Variants in USH2A observed in about 807,000 individuals in gnomAD.
The protein encoded by USH2A is Usher syndrome 2A (autosomal recessive, mild).
USH2A carries 443 observed loss-of-function variants against 538.9 expected under a neutral mutation model. The observed-to-expected ratio is 0.82, with a 90% CI of 0.76 to 0.89. USH2A has a LOEUF of 0.89. USH2A is among the 40% of genes least tolerant of loss of function. USH2A has a pLI of 0.00. For missense variants in USH2A, 6,633 were observed against 6,324.8 expected (o/e 1.05, Z -1.65); for synonymous variants, 2,413 against 2,273.5 (o/e 1.06, Z -1.75).
At chr1:215,732,544 C>CTTTTTTTTTTTTTTTTTTTTTT (rs141549439) in intron 60 of USH2A, among the ~76,000 whole-genome samples, 12 of 73,586 alleles carry the variant, frequency 1.6e-4, no homozygotes, top group African/African-American at 7.3e-4. Flanking sequence ...TTTTTTCTTT[C>CTTTTTTTTTTTTTTTTTTTTTT]TTTTTTTTTT....
chr1:216,377,012 T>C (rs1311891021), intron 3 of USH2A, among the ~76,000 whole-genome samples: 2 of 152,190 alleles, frequency 1.3e-5, no homozygotes, highest in Non-Finnish European at 2.9e-5. Flanking sequence ...TGCTTTTCTG[T>C]AAGTACCTAT....
intron 44 of USH2A, among the ~76,000 whole-genome samples, chr1:215,859,547 G>A (rs1664261586): frequency 6.6e-6 from 1 of 151,950 alleles, no homozygotes; most frequent in Admixed American, 6.6e-5. Context: ...AAAAAATAAA[G>A]TAGTATTCTC....
At chr1:216,236,254 C>T (rs1357500064) in intron 13 of USH2A, among the ~76,000 whole-genome samples, 1 of 151,754 alleles carries the variant, frequency 6.6e-6, no homozygotes, top group Non-Finnish European at 1.5e-5. Context: ...TTGCTGATTC[C>T]TATTTCCTTT....
intron 32 of USH2A, among the ~76,000 whole-genome samples, chr1:216,015,780 A>AT (rs943671208): frequency 6.6e-6 from 1 of 152,096 alleles, no homozygotes; most frequent in South Asian, 2.1e-4. Context: ...GATGATGAGC[A>AT]TTTTTTCATG....
At chr1:215,847,591 G>T (rs1207594345) in intron 44 of USH2A, among the ~76,000 whole-genome samples, 3 of 151,748 alleles carry the variant, frequency 2.0e-5, no homozygotes, top group Admixed American at 2.0e-4. Flanking sequence ...GTTGTGGTGA[G>T]CTGAGATCGT....
chr1:216,333,808 C>G (rs1033625467), intron 4 of USH2A, among the ~76,000 whole-genome samples: 1 of 151,882 alleles, frequency 6.6e-6, no homozygotes, highest in Non-Finnish European at 1.5e-5. Context: ...AGAAGAATGA[C>G]ATATTTAAAG....
chr1:216,224,761 T>G (rs960905807), intron 14 of USH2A, among the ~76,000 whole-genome samples: 1 of 152,126 alleles, frequency 6.6e-6, no homozygotes, highest in African/African-American at 2.4e-5. Context: ...AAATAGAGCA[T>G]GAAGAAGGTA....
chr1:215,813,177 GGCTA>G (rs1486277589), intron 49 of USH2A, among the ~76,000 whole-genome samples: 3 of 152,140 alleles, frequency 2.0e-5, no homozygotes, highest in Non-Finnish European at 4.4e-5. Flanking sequence ...GGAGCAAAAT[GGCTA>G]GCTAAGTTGG....
At position 215,844,505 on chromosome 1, in the gene USH2A, A is replaced by C. The variant is rs1163739787; in HGVS notation, c.9056-9T>G. The C allele has an allele frequency of 6.2e-7, 1 of 1,605,606 alleles. No individual in the cohort carries two copies. Among genetic ancestry groups the C allele is most frequent in the Non-Finnish European group, 8.5e-7 (1 of 1,179,634 alleles). The stretch of plus-strand genomic sequence containing the variant: ...AAGCATGCCCTGAGGCTCTAGAATT[A>C]AAGGAAGAAACTGAATAAACTCCAG... On this transcript the variant is annotated splice_polypyrimidine_tract_variant and intron_variant, in intron 45 of 71. Coordinates refer to ENST00000307340, the MANE Select transcript of USH2A (RefSeq NM_206933.4).
intron 37 of USH2A, among the ~76,000 whole-genome samples, chr1:215,942,106 C>T (rs550038756): frequency 8.5e-5 from 13 of 152,196 alleles, no homozygotes; most frequent in Admixed American, 5.2e-4. Flanking sequence ...AAGGATCTCT[C>T]GCAAGCTCAG....
At chr1:215,984,574 T>C (rs996651737) in intron 35 of USH2A, among the ~76,000 whole-genome samples, 3 of 152,212 alleles carry the variant, frequency 2.0e-5, no homozygotes, top group African/African-American at 7.2e-5. Flanking sequence ...TTGTGCCTCT[T>C]CATCATGTTA....
At chr1:215,962,457 G>A (rs898420717) in intron 37 of USH2A, among the ~76,000 whole-genome samples, 4 of 152,016 alleles carry the variant, frequency 2.6e-5, no homozygotes, top group African/African-American at 7.2e-5. Flanking sequence ...GCTCTAACCC[G>A]TTGAATATTA....
intron 32 of USH2A, among the ~76,000 whole-genome samples, chr1:216,002,907 C>A (rs1474102861): frequency 6.6e-6 from 1 of 152,074 alleles, no homozygotes; most frequent in Non-Finnish European, 1.5e-5. Context: ...TATCACATAT[C>A]GCAGTGTCTG....
intron 64 of USH2A, among the ~76,000 whole-genome samples, chr1:215,657,146 C>T (rs1353952013): frequency 6.6e-6 from 1 of 152,206 alleles, no homozygotes; most frequent in African/African-American, 2.4e-5. Flanking sequence ...TGTTGTTAGT[C>T]ATCACTCATT....
At chr1:215,868,090 C>CCTCA (rs762722236) in intron 43 of USH2A, among the ~76,000 whole-genome samples, 4 of 152,104 alleles carry the variant, frequency 2.6e-5, no homozygotes, top group Non-Finnish European at 4.4e-5. Context: ...CAAACACTGG[C>CCTCA]CTCAGATCAT....
chr1:215,781,976 A>G, intron 54 of USH2A, 66 bp downstream of exon 54: 1 of 1,607,338 alleles, frequency 6.2e-7, no homozygotes, highest in Non-Finnish European at 8.5e-7. Flanking sequence ...AGCAGTCACA[A>G]CCTGGATGTT....
At chr1:216,343,463 C>A (rs2038115369) in intron 4 of USH2A, among the ~76,000 whole-genome samples, 1 of 149,006 alleles carries the variant, frequency 6.7e-6, no homozygotes, top group African/African-American at 2.5e-5. Context: ...TTACTTGAGA[C>A]TGCACTAGGA....
chr1:216,279,262 A>G (rs2102592276), intron 11 of USH2A, among the ~76,000 whole-genome samples: 1 of 152,230 alleles, frequency 6.6e-6, no homozygotes, highest in Non-Finnish European at 1.5e-5. Flanking sequence ...AAAAATGGCT[A>G]TTAGGTGATA....
At chr1:216,126,224 TTTG>T (rs1046564459) in intron 21 of USH2A, among the ~76,000 whole-genome samples, 2 of 70,716 alleles carry the variant, frequency 2.8e-5, no homozygotes, top group South Asian at 6.6e-4. Context: ...TTGTTGTTGT[TTTG>T]TTTTTGTTTT....
Sources: allele counts gnomAD v4.1 joint callset (sites outside exome capture counted in the v4.1 genomes callset), GRCh38; gene constraint gnomAD v4.1.1; transcripts MANE v1.5; gene names NCBI Gene and HGNC (gene_info 2026-07-23, HGNC 2026-07-21).